GNB4: variants seen among roughly 807,000 people sequenced by gnomAD.
GNB4 encodes the protein G protein subunit beta 4, also known as guanine nucleotide-binding protein subunit beta-4.
In GNB4, 28 loss-of-function variants were observed where a neutral mutation model predicts 45.2. That is an observed-to-expected ratio of 0.62 (90% confidence interval 0.46 to 0.85). GNB4 has a LOEUF of 0.85. Among genes scored for constraint, GNB4 ranks in the 40% least tolerant of loss-of-function variants. The pLI is 0.00. For missense variants in GNB4, 321 were observed against 425.4 expected, an observed-to-expected ratio of 0.75 and a Z score of 2.16; for synonymous variants, 132 against 143.7, an observed-to-expected ratio of 0.92 and a Z score of 0.58.
chr3:179,518,247 C>T, the GNB4 span, among the ~76,000 whole-genome samples: 4 of 152,130 alleles, frequency 2.6e-5, no homozygotes, highest in Non-Finnish European at 4.4e-5. Flanking sequence ...TCCAAATAGC[C>T]AGAAAATGGC....
At chr3:179,435,118 T>C (rs370181893) in intron 1 of GNB4, among the ~76,000 whole-genome samples, 81 of 152,154 alleles carry the variant, frequency 5.3e-4, no homozygotes, top group Non-Finnish European at 7.3e-5. Context: ...TGCTTAAGAA[T>C]AGAGTTCAGA....
intron 1 of GNB4, among the ~76,000 whole-genome samples, chr3:179,436,784 T>C (rs1167480938): frequency 6.6e-6 from 1 of 152,198 alleles, no homozygotes. Context: ...GCATTAACTT[T>C]TGGTTTTTTA....
chr3:179,488,306 C>T, the GNB4 span, among the ~76,000 whole-genome samples: 3 of 152,306 alleles, frequency 2.0e-5, no homozygotes, highest in South Asian at 6.2e-4. Flanking sequence ...AAGTCCTCCA[C>T]CCCACAGTGA....
chr3:179,514,470 G>C, the GNB4 span, among the ~76,000 whole-genome samples: 1 of 152,130 alleles, frequency 6.6e-6, no homozygotes, highest in African/African-American at 2.4e-5. Flanking sequence ...ACAGGGCAAG[G>C]GTGTGAAGCT....
intron 9 of GNB4, among the ~76,000 whole-genome samples, chr3:179,404,431 A>C (rs924808075): frequency 1.3e-5 from 2 of 152,008 alleles, no homozygotes; most frequent in Admixed American, 1.3e-4. Context: ...TAAGTAAGCC[A>C]GGTGAGGTGA....
chr3:179,443,858 C>G (rs1715654018), intron 1 of GNB4, among the ~76,000 whole-genome samples: 1 of 152,208 alleles, frequency 6.6e-6, no homozygotes, highest in African/African-American at 2.4e-5. Context: ...TACCCCACCA[C>G]TAATGTTCTC....
At chr3:179,499,891 G>A in the GNB4 span, among the ~76,000 whole-genome samples, 1 of 152,168 alleles carries the variant, frequency 6.6e-6, no homozygotes, top group East Asian at 1.9e-4. Flanking sequence ...TCTGAGAAGT[G>A]TCTGTTCATA....
chr3:179,502,524 C>T, the GNB4 span, among the ~76,000 whole-genome samples: 3 of 152,036 alleles, frequency 2.0e-5, no homozygotes, highest in Admixed American at 6.6e-5. Context: ...TGAGTCACTG[C>T]GCCTGGCCTG....
chr3:179,456,678 C>T, the GNB4 span, among the ~76,000 whole-genome samples: 2 of 152,186 alleles, frequency 1.3e-5, no homozygotes, highest in South Asian at 4.2e-4. Flanking sequence ...TCCATCACTC[C>T]CCAAATCTCC....
At chr3:179,464,689 A>C in the GNB4 span, 79 of 1,069,302 alleles carry the variant, frequency 7.4e-5, no homozygotes, top group Non-Finnish European at 1.1e-4. Flanking sequence ...GAATTGTTGA[A>C]TTTAATCAGC....
At chr3:179,494,772 G>A in the GNB4 span, among the ~76,000 whole-genome samples, 147 of 152,018 alleles carry the variant, frequency 9.7e-4, no homozygotes, top group Non-Finnish European at 1.4e-3. Flanking sequence ...GCTGGGCGTG[G>A]TGGTGGGTGC....
intron 8 of GNB4, among the ~76,000 whole-genome samples, chr3:179,407,468 G>C (rs1203539697): frequency 6.6e-6 from 1 of 151,978 alleles, no homozygotes; most frequent in African/African-American, 2.4e-5. Flanking sequence ...AAATAAGTAA[G>C]TAAATAAATA....
Position 179,426,172 on chromosome 3 carries a change from T to G in GNB4, c.29A>C (p.Glu10Ala). 6.2e-7 allele frequency: 1 copy of G among 1,604,710 alleles called. No homozygotes were observed. Among genetic ancestry groups the G allele is most frequent in the Non-Finnish European group, 8.5e-7 (1 of 1,178,038 alleles). The change falls in exon 2 of 10, where the codon GAA (glutamate) becomes GCA (alanine). Residue 10 changes from glutamate to alanine, a missense_variant. Transcript: ENST00000232564. MSELEQLRQ[E>A]AEQLRNQIQD... Reference sequence around the variant, plus strand: ...AATCTGATTCCGCAGTTGTTCTGCTTCTTGCCTCAACTGTTCCAGTTCGCT... The same window carrying G: ...AATCTGATTCCGCAGTTGTTCTGCTGCTTGCCTCAACTGTTCCAGTTCGCT...
intron 1 of GNB4, among the ~76,000 whole-genome samples, chr3:179,436,220 GA>G (rs1355696023): frequency 6.6e-6 from 1 of 152,126 alleles, no homozygotes; most frequent in Non-Finnish European, 1.5e-5. Context: ...CCAACATGGA[GA>G]AACCCTGTCT....
chr3:179,479,810 T>C, the GNB4 span, among the ~76,000 whole-genome samples: 1 of 152,230 alleles, frequency 6.6e-6, no homozygotes, highest in African/African-American at 2.4e-5. Context: ...TGTTCTTAAG[T>C]GCTCCAGCAT....
chr3:179,442,830 A>G (rs1019757137), intron 1 of GNB4, among the ~76,000 whole-genome samples: 3 of 151,928 alleles, frequency 2.0e-5, no homozygotes, highest in Non-Finnish European at 4.4e-5. Flanking sequence ...GGTCCTTACT[A>G]TGTTGCCTAG....
the GNB4 span, among the ~76,000 whole-genome samples, chr3:179,489,019 AATATAT>A: frequency 5.9e-3 from 126 of 21,382 alleles, 3 homozygotes; most frequent in Non-Finnish European, 7.4e-3. Flanking sequence ...AAAAAAAAAA[AATATAT>A]ATATATATAT....
At chr3:179,498,195 T>TA in the GNB4 span, among the ~76,000 whole-genome samples, 1 of 152,352 alleles carries the variant, frequency 6.6e-6, no homozygotes, top group East Asian at 1.9e-4. Context: ...CATATACATG[T>TA]ATACCCCATG....
At chr3:179,439,536 A>G (rs1400009926) in intron 1 of GNB4, among the ~76,000 whole-genome samples, 1 of 152,156 alleles carries the variant, frequency 6.6e-6, no homozygotes, top group Non-Finnish European at 1.5e-5. Flanking sequence ...TCTACCCTAA[A>G]GCAGTTCTGT....
Sources: gnomAD v4.1 joint callset for allele counts (sites outside exome capture counted in the v4.1 genomes callset) on GRCh38, gnomAD v4.1.1 for gene constraint, MANE v1.5 for transcripts, NCBI Gene and HGNC (gene_info 2026-07-23, HGNC 2026-07-21) for gene names.